Variants in CDYL observed in about 807,000 individuals in gnomAD.
The protein encoded by CDYL is chromodomain Y like, also known as chromodomain Y-like protein.
A neutral mutation model predicts 47.3 loss-of-function variants in CDYL; 8 were observed. That is an observed-to-expected ratio of 0.17 (90% CI 0.10 to 0.31). CDYL has a LOEUF of 0.31. Among genes scored for constraint, CDYL ranks in the 10% least tolerant of loss-of-function variants. The probability of loss-of-function intolerance (pLI) is 1.00; values close to 1 mark genes in which losing one functional copy is unlikely to be tolerated. For synonymous variants in CDYL, 266 were observed against 265.0 expected (o/e 1.00, Z -0.04); for missense variants, 471 against 701.4 (o/e 0.67, Z 3.71).
chr6:4,723,203 G>A (rs1464721860), intron 2 of CDYL, among the ~76,000 whole-genome samples: 1 of 152,114 alleles, frequency 6.6e-6, no homozygotes, highest in Non-Finnish European at 1.5e-5. Context: ...CATTTACATG[G>A]CAGTAGATAT....
intron 3 of CDYL, among the ~76,000 whole-genome samples, chr6:4,937,162 T>TCCTAG (rs1758220362): frequency 6.6e-6 from 1 of 151,150 alleles, no homozygotes; most frequent in African/African-American, 2.4e-5. Context: ...TTCAAGACCA[T>TCCTAG]CCTAGACAAC....
chr6:4,765,984 T>C (rs1561841297), intron 3 of CDYL, among the ~76,000 whole-genome samples: 1 of 152,022 alleles, frequency 6.6e-6, no homozygotes, highest in Non-Finnish European at 1.5e-5. Flanking sequence ...AGCTCAAAAT[T>C]GGTATTTTCA....
intron 1 of CDYL, among the ~76,000 whole-genome samples, chr6:4,810,301 A>G (rs560057519): frequency 1.3e-5 from 2 of 152,308 alleles, no homozygotes; most frequent in African/African-American, 4.8e-5. Context: ...CTCAACTAGC[A>G]TGAGTTAAAG....
intron 5 of CDYL, among the ~76,000 whole-genome samples, chr6:4,945,642 G>A (rs1426293729): frequency 1.3e-5 from 2 of 152,252 alleles, no homozygotes; most frequent in East Asian, 1.9e-4. Flanking sequence ...CCCAGGCCAC[G>A]TGTCCTTCCA....
chr6:4,935,171 C>T lies in CDYL; in HGVS notation c.692-344C>T, dbSNP rs113223026. The stretch of plus-strand genomic sequence containing the variant: ...TCTTGATTATTTTCCTTTTTTCTTT[C>T]GGCTTCTCAAACCTGGAATAGATAC... On this transcript the variant is annotated intron_variant, in intron 2 of 6. Transcript: ENST00000397588. Among the ~76,000 whole-genome samples, 423 of 152,178 alleles carry T rather than the reference C, an allele frequency of 2.8e-3. 2 individuals carry two copies. The highest frequency in any genetic ancestry group is 7.5e-3 in the African/African-American group (312 of 41,536).
chr6:4,809,745 C>T (rs62386579), intron 1 of CDYL, among the ~76,000 whole-genome samples: 1 of 90,412 alleles, frequency 1.1e-5, no homozygotes, highest in Non-Finnish European at 2.2e-5. Context: ...TATATTAGTC[C>T]TTGGCGATAC....
intron 1 of CDYL, among the ~76,000 whole-genome samples, chr6:4,888,359 G>T: frequency 6.6e-6 from 1 of 151,574 alleles, no homozygotes; most frequent in South Asian, 2.1e-4. Context: ...AGATTTTCTT[G>T]GTTCATTTTG....
At chr6:4,883,313 G>A (rs1761813419) in intron 1 of CDYL, among the ~76,000 whole-genome samples, 1 of 152,248 alleles carries the variant, frequency 6.6e-6, no homozygotes, top group Non-Finnish European at 1.5e-5. Context: ...GGATGAAAAA[G>A]CCCTGGTGTG....
At chr6:4,831,437 T>G (rs1472072451) in intron 1 of CDYL, among the ~76,000 whole-genome samples, 2 of 152,198 alleles carry the variant, frequency 1.3e-5, no homozygotes, top group Non-Finnish European at 1.5e-5. Context: ...CATTGATCTA[T>G]ATCTCTGTTT....
At chr6:4,909,765 G>A (rs1757352086) in intron 2 of CDYL, among the ~76,000 whole-genome samples, 1 of 151,458 alleles carries the variant, frequency 6.6e-6, no homozygotes, top group Admixed American at 6.6e-5. Flanking sequence ...TAGTAGAGAT[G>A]GGGTTTCACC....
intron 2 of CDYL, chr6:4,733,363 A>G (rs1386070883): frequency 6.6e-5 from 10 of 152,172 alleles, no homozygotes; most frequent in African/African-American, 1.9e-4. Context: ...CAGTTGGATT[A>G]AAAAGTTACA....
rs537966636 is a variant in CDYL at position 4,716,540 on chromosome 6, T to C, written c.103+659T>C. 2.4e-3 allele frequency among the ~76,000 whole-genome samples: 364 copies of C among 151,990 alleles called. 4 individuals carry two copies. The highest frequency in any genetic ancestry group is 8.1e-3 in the African/African-American group (337 of 41,448). Reference sequence around the variant, plus strand: ...TCCTTTTCCACTTCCTCCAAGTCAATTGATAGCACACCCTACACTCTGTGT... The same window carrying C: ...TCCTTTTCCACTTCCTCCAAGTCAACTGATAGCACACCCTACACTCTGTGT... On this transcript the variant is annotated intron_variant, in intron 2 of 8. Coordinates refer to the CDYL transcript ENST00000328908.
chr6:4,902,757 C>T (rs1757107958), intron 2 of CDYL, among the ~76,000 whole-genome samples: 1 of 152,168 alleles, frequency 6.6e-6, no homozygotes, highest in Non-Finnish European at 1.5e-5. Flanking sequence ...GTCCAATTCT[C>T]CAAGGCTCTT....
chr6:4,879,456 C>T (rs755372997), intron 1 of CDYL, among the ~76,000 whole-genome samples: 5 of 151,152 alleles, frequency 3.3e-5, no homozygotes, highest in Admixed American at 1.3e-4. Flanking sequence ...AAGTTTACTT[C>T]GGTAAACACC....
intron 1 of CDYL, among the ~76,000 whole-genome samples, chr6:4,792,101 C>T (rs1332692688): frequency 1.3e-5 from 2 of 149,982 alleles, no homozygotes; most frequent in Non-Finnish European, 3.0e-5. Flanking sequence ...ACCATGTTAG[C>T]CAGGATGGTC....
At chr6:4,784,347 A>G (rs745687966) in intron 1 of CDYL, among the ~76,000 whole-genome samples, 7 of 152,118 alleles carry the variant, frequency 4.6e-5, no homozygotes, top group African/African-American at 7.2e-5. Flanking sequence ...TGAGAGTTAT[A>G]TTTTATTAAA....
At chr6:4,886,612 T>C (rs894474516) in intron 1 of CDYL, among the ~76,000 whole-genome samples, 2 of 152,198 alleles carry the variant, frequency 1.3e-5, no homozygotes, top group African/African-American at 4.8e-5. Flanking sequence ...ATGTTTGATA[T>C]AAGTCCCTTA....
At chr6:4,934,996 C>T (rs969139059) in intron 2 of CDYL, among the ~76,000 whole-genome samples, 4 of 152,138 alleles carry the variant, frequency 2.6e-5, no homozygotes, top group African/African-American at 9.7e-5. Context: ...CCTGAGTGTC[C>T]CACAGGGGTG....
chr6:4,725,352 C>T (rs1056142415), intron 2 of CDYL, among the ~76,000 whole-genome samples: 7 of 152,216 alleles, frequency 4.6e-5, no homozygotes, highest in Non-Finnish European at 8.8e-5. Flanking sequence ...CTTGGGTGGC[C>T]GATGGGACTG....
Sources: gnomAD v4.1 joint callset for allele counts (sites outside exome capture counted in the v4.1 genomes callset) on GRCh38, gnomAD v4.1.1 for gene constraint, MANE v1.5 for transcripts, NCBI Gene and HGNC (gene_info 2026-07-23, HGNC 2026-07-21) for gene names.